The following VPS41 variants were observed in gnomAD, a reference collection of about 807,000 sequenced individuals.
The protein encoded by VPS41 is VPS41 subunit of HOPS complex.
VPS41 carries 85 observed loss-of-function variants against 130.9 expected under a neutral mutation model. The ratio of observed to expected loss-of-function variants is 0.65; its 90% CI spans 0.55 to 0.78. The LOEUF (loss-of-function observed/expected upper bound fraction) is 0.78, where lower values mean the gene tolerates loss of function less well. Ranked by LOEUF, VPS41 falls within the 30% of genes least tolerant of loss-of-function variation. VPS41 has a pLI of 0.00. For missense variants in VPS41, 874 were observed against 1,018.7 expected, an observed-to-expected ratio of 0.86 and a Z score of 1.93; for synonymous variants, 335 against 332.9, an observed-to-expected ratio of 1.01 and a Z score of -0.07.
intron 10 of VPS41, among the ~76,000 whole-genome samples, chr7:38,779,511 A>G (rs1238418880): frequency 6.6e-6 from 1 of 152,174 alleles, no homozygotes; most frequent in South Asian, 2.1e-4. Flanking sequence ...ACTGGTAATG[A>G]TATCATGCAA....
intron 2 of VPS41, among the ~76,000 whole-genome samples, chr7:38,880,197 A>AC (rs1786575719): frequency 6.6e-6 from 1 of 152,138 alleles, no homozygotes; most frequent in African/African-American, 2.4e-5. Context: ...GTGTATTACA[A>AC]CCCCAACTTC....
At chr7:38,740,919 C>T (rs918488748) in intron 25 of VPS41, among the ~76,000 whole-genome samples, 1 of 152,158 alleles carries the variant, frequency 6.6e-6, no homozygotes, top group African/African-American at 2.4e-5. Context: ...TTTTTGAACA[C>T]GTATACACCA....
intron 25 of VPS41, among the ~76,000 whole-genome samples, chr7:38,741,664 T>C (rs1273340763): frequency 6.6e-6 from 1 of 152,212 alleles, no homozygotes; most frequent in East Asian, 1.9e-4. Flanking sequence ...CCACTATAAC[T>C]GCTTTCATAC....
At chr7:38,862,300 G>C (rs1786132505) in intron 4 of VPS41, among the ~76,000 whole-genome samples, 1 of 152,024 alleles carries the variant, frequency 6.6e-6, no homozygotes, top group Non-Finnish European at 1.5e-5. Flanking sequence ...ATTTTTACAT[G>C]GAGTTTGCAT....
intron 4 of VPS41, among the ~76,000 whole-genome samples, chr7:38,854,056 G>A (rs1299265919): frequency 6.6e-6 from 1 of 152,096 alleles, no homozygotes; most frequent in African/African-American, 2.4e-5. Flanking sequence ...GACTTGCCTT[G>A]GCATCATTTA....
chr7:38,807,435 A>G (rs1052204293), intron 7 of VPS41, among the ~76,000 whole-genome samples: 1 of 150,980 alleles, frequency 6.6e-6, no homozygotes, highest in African/African-American at 2.4e-5. Context: ...AAAGGCTTAA[A>G]GACAAATAAA....
chr7:38,726,235 G>A lies in VPS41; in HGVS notation c.*11C>T. 6.3e-7 allele frequency: 1 copy of A among 1,599,598 alleles called. No homozygotes were observed. The highest frequency in any genetic ancestry group is 8.6e-7 in the Non-Finnish European group (1 of 1,167,088). ...AGAGTGGTGACAAGGAGACTGACAA[G>A]GAGAAATGAGCTATTTTTTCATCTC... On this transcript the variant is annotated 3_prime_UTR_variant, in exon 29 of 29. Coordinates refer to ENST00000310301, the MANE Select transcript of VPS41 (RefSeq NM_014396.4).
At chr7:38,862,102 C>A (rs1382254411) in intron 4 of VPS41, among the ~76,000 whole-genome samples, 1 of 152,134 alleles carries the variant, frequency 6.6e-6, no homozygotes, top group East Asian at 1.9e-4. Flanking sequence ...CCACAAACTT[C>A]CAGAGTATGT....
At position 38,772,520 on chromosome 7, in the gene VPS41, A is replaced by T. The variant is rs1195413562; in HGVS notation, c.1128+2T>A. Reference sequence around the variant, plus strand: ...CTTTCAAAGAAGTAAAATCAAGGGTACTTCATATTTCTTCTTTTCAAGGAG... The same window carrying T: ...CTTTCAAAGAAGTAAAATCAAGGGTTCTTCATATTTCTTCTTTTCAAGGAG... On this transcript the variant is annotated splice_donor_variant, in intron 13 of 28. Transcript: ENST00000310301. LOFTEE classifies it high-confidence loss of function. 11 of 1,532,078 alleles carry T rather than the reference A, an allele frequency of 7.2e-6. No individual in the cohort carries two copies. The highest frequency in any genetic ancestry group is 9.0e-6 in the Non-Finnish European group (10 of 1,105,888). 94.9% of individuals were successfully genotyped at this position (1,532,078 alleles called of 1,614,324 possible).
intron 4 of VPS41, among the ~76,000 whole-genome samples, chr7:38,843,601 G>A (rs568453047): frequency 8.8e-4 from 134 of 151,858 alleles, no homozygotes; most frequent in African/African-American, 2.8e-3. Flanking sequence ...AGAATGGCAC[G>A]AACCCGGGAG....
chr7:38,766,568 G>A (rs562619276), intron 15 of VPS41, among the ~76,000 whole-genome samples: 2 of 152,280 alleles, frequency 1.3e-5, no homozygotes, highest in East Asian at 3.9e-4. Flanking sequence ...TAGGACAAAA[G>A]GCAGACAAGG....
intron 10 of VPS41, among the ~76,000 whole-genome samples, chr7:38,787,556 A>T (rs981266493): frequency 7.9e-5 from 12 of 152,244 alleles, no homozygotes; most frequent in African/African-American, 2.9e-4. Flanking sequence ...AACAGAATAA[A>T]TCAACAGCCT....
chr7:38,775,564 A>T (rs1195507965), intron 11 of VPS41: 2 of 148,892 alleles, frequency 1.3e-5, no homozygotes, highest in African/African-American at 5.2e-5. Flanking sequence ...CACTGCTTTT[A>T]TTTTCAAAAA....
intron 1 of VPS41, among the ~76,000 whole-genome samples, chr7:38,906,330 G>A (rs568967472): frequency 7.3e-6 from 1 of 137,822 alleles, no homozygotes; most frequent in South Asian, 2.1e-4. Context: ...ACAGACTGCT[G>A]GGTTTTTTTT....
intron 4 of VPS41, among the ~76,000 whole-genome samples, chr7:38,857,917 T>C (rs1786020838): frequency 1.3e-5 from 2 of 152,080 alleles, no homozygotes; most frequent in Admixed American, 1.3e-4. Context: ...AGAGGGATGG[T>C]TTACAGGTCA....
At chr7:38,768,226 C>A (rs997207157) in intron 14 of VPS41, among the ~76,000 whole-genome samples, 2 of 152,166 alleles carry the variant, frequency 1.3e-5, no homozygotes, top group South Asian at 2.1e-4. Context: ...GCCAACATCA[C>A]CAGAGGCATG....
intron 4 of VPS41, among the ~76,000 whole-genome samples, chr7:38,838,591 C>T (rs1785543144): frequency 6.6e-6 from 1 of 152,126 alleles, no homozygotes; most frequent in Non-Finnish European, 1.5e-5. Context: ...CAAGCTGACA[C>T]TATAGAACAT....
intron 13 of VPS41, 26 bp from the exon 14 acceptor site, chr7:38,771,280 T>TAAA (rs11431870): frequency 3.5e-4 from 455 of 1,297,606 alleles, no homozygotes; most frequent in South Asian, 9.4e-4. Context: ...AAGGATGATT[T>TAAA]AAAAAAAAAA....
intron 7 of VPS41, among the ~76,000 whole-genome samples, chr7:38,816,757 T>A (rs1785058181): frequency 6.6e-6 from 1 of 152,222 alleles, no homozygotes; most frequent in African/African-American, 2.4e-5. Flanking sequence ...CTCTTTACAT[T>A]TTTTAAGAGA....
Sources: gnomAD v4.1 joint callset for allele counts (sites outside exome capture counted in the v4.1 genomes callset) on GRCh38, gnomAD v4.1.1 for gene constraint, MANE v1.5 for transcripts, NCBI Gene and HGNC (gene_info 2026-07-23, HGNC 2026-07-21) for gene names.